Variants in RAD52 observed in about 807,000 individuals in gnomAD.
RAD52 encodes the protein RAD52 DNA repair protein, also known as DNA repair protein RAD52 homolog.
A neutral mutation model predicts 55.5 loss-of-function variants in RAD52; 47 were observed. That is an observed-to-expected ratio of 0.85 (90% CI 0.67 to 1.08). RAD52 has a LOEUF of 1.08. Among genes scored for constraint, RAD52 ranks in the 50% least tolerant of loss-of-function variants. The pLI is 0.00. For synonymous variants in RAD52, 184 were observed against 198.9 expected (o/e 0.92, Z 0.63); for missense variants, 468 against 522.8 (o/e 0.90, Z 1.02).
chr12:962,222 C>T (rs1958695637), intron 1 of RAD52, among the ~76,000 whole-genome samples: 1 of 152,098 alleles, frequency 6.6e-6, no homozygotes, highest in Admixed American at 6.6e-5. Flanking sequence ...GAAGTGACCA[C>T]CAGTAAGGAA....
intron 1 of RAD52, among the ~76,000 whole-genome samples, chr12:934,814 T>C (rs562801495): frequency 3.0e-4 from 45 of 152,154 alleles, no homozygotes; most frequent in Non-Finnish European, 4.3e-4. Flanking sequence ...GAATCTGTTT[T>C]AAAGTTTAAA....
intron 1 of RAD52, among the ~76,000 whole-genome samples, chr12:978,613 C>A (rs1162950853): frequency 1.3e-5 from 2 of 152,058 alleles, no homozygotes; most frequent in Non-Finnish European, 1.5e-5. Context: ...CCAGTCTGGG[C>A]AACACAGTGA....
At position 927,183 on chromosome 12, in the gene RAD52, C is replaced by T; in HGVS notation, c.429G>A (p.Arg143=). ...TCAGCCCGTCTGTCACCGCCTCCTT[C>T]CTTGCCTTCTCCAAAGATAAAGCCT... ...KSKALSLEKA[R]KEAVTDGLKR... The change falls in exon 6 of 12, where the codon AGG becomes AGA. Residue 143 remains arginine, a synonymous_variant. Coordinates refer to ENST00000358495, the MANE Select transcript of RAD52 (RefSeq NM_134424.4). 6.2e-7 allele frequency: 1 copy of T among 1,614,186 alleles called. No homozygotes were observed. Among genetic ancestry groups the T allele is most frequent in the East Asian group, 2.2e-5 (1 of 44,880 alleles).
Position 930,100 on chromosome 12 carries a change from C to G in RAD52, c.231G>C (p.Glu77Asp). 6.2e-7 allele frequency: 1 copy of G among 1,614,130 alleles called. No individual in the cohort carries two copies. Among genetic ancestry groups the G allele is most frequent in the Non-Finnish European group, 8.5e-7 (1 of 1,180,000 alleles). ...GTGCCCAGCCATTGTAACCAAACAT[C>G]TCATTGGCCAGATTAATTACCCGAT... ...EGHRVINLAN[E>D]MFGYNGWAHS... Residue 77 changes from glutamate to aspartate, a missense_variant, in exon 4 of 12, where the codon GAG (glutamate) becomes GAC (aspartate). Transcript: ENST00000358495.
At position 945,044 on chromosome 12, in the gene RAD52, A is replaced by T. The variant is rs1006924143; in HGVS notation, c.-19+4558T>A. Among the ~76,000 whole-genome samples the T allele has an allele frequency of 2.6e-5, 4 of 152,252 alleles. No homozygotes were observed. In the East Asian group the frequency reaches 7.7e-4, roughly 29 times the overall value. Reference sequence around the variant, plus strand: ...CTATAATGTTCATGAAACTTTAAAAAAATTAGCAAAAGTAGAAAAAAAGTG... The same window carrying T: ...CTATAATGTTCATGAAACTTTAAAATAATTAGCAAAAGTAGAAAAAAAGTG... On this transcript the variant is annotated intron_variant, in intron 1 of 11. Coordinates refer to ENST00000358495, the MANE Select transcript of RAD52 (RefSeq NM_134424.4).
intron 7 of RAD52, among the ~76,000 whole-genome samples, chr12:921,799 C>T (rs1956740220): frequency 6.6e-6 from 1 of 151,854 alleles, no homozygotes; most frequent in South Asian, 2.1e-4. Context: ...AAACAGATGG[C>T]CAACAAGCAT....
intron 8 of RAD52, 76 bp downstream of exon 8, chr12:916,563 T>G (rs1350055997): frequency 6.3e-7 from 1 of 1,599,462 alleles, no homozygotes; most frequent in Admixed American, 1.7e-5. Flanking sequence ...GCTGGCTGGC[T>G]CTGGAGGCCT....
chr12:988,411 A>G (rs1455464638), intron 1 of RAD52, among the ~76,000 whole-genome samples: 1 of 152,154 alleles, frequency 6.6e-6, no homozygotes, highest in Non-Finnish European at 1.5e-5. Context: ...TAAATACCTA[A>G]TAACACTTAG....
At chr12:916,599 G>C (rs775728566) in intron 8 of RAD52, 40 bp downstream of exon 8, 1 of 1,599,996 alleles carries the variant, frequency 6.3e-7, no homozygotes, top group South Asian at 1.1e-5. Context: ...CGTGACACAG[G>C]AGGGGCCGCA....
intron 1 of RAD52, among the ~76,000 whole-genome samples, chr12:933,940 AACCCCATC>A (rs990557664): frequency 4.6e-5 from 7 of 151,704 alleles, no homozygotes; most frequent in Non-Finnish European, 1.0e-4. Flanking sequence ...TAGACAACAA[AACCCCATC>A]ACTACAAAAA....
At position 914,504 on chromosome 12, in the gene RAD52, G is replaced by A. The variant is rs28910277; in HGVS notation, c.894C>T (p.His298=). ...EAAPPAPPVT[H]STPVTVSEPL... ...GTTCTGAGACAGTTACAGGAGTGCTGTGCGTCACAGGAGGGGCCGGAGGCG... is the reference window on the plus strand; with the variant it reads ...GTTCTGAGACAGTTACAGGAGTGCTATGCGTCACAGGAGGGGCCGGAGGCG... Residue 298 remains histidine, a synonymous_variant, in exon 10 of 12, where the codon CAC becomes CAT. Transcript: ENST00000358495. 2,644 of 1,613,722 alleles carry A rather than the reference G, an allele frequency of 1.6e-3. 6 individuals are homozygous for A. Among genetic ancestry groups the A allele is most frequent in the Non-Finnish European group, 2.2e-3 (2,555 of 1,179,854 alleles).
chr12:949,719 G>T (rs1475039843), upstream of RAD52: 1 of 149,622 alleles, frequency 6.7e-6, no homozygotes, highest in African/African-American at 2.5e-5. Flanking sequence ...AGCGTCTCTG[G>T]GAAGAAGGTC....
At chr12:972,994 A>AC (rs1958884738) in intron 1 of RAD52, among the ~76,000 whole-genome samples, 1 of 147,686 alleles carries the variant, frequency 6.8e-6, no homozygotes, top group African/African-American at 2.7e-5. Flanking sequence ...ATTTTGTGCA[A>AC]GAAAGTGACA....
chr12:947,313 C>T (rs577005038), intron 1 of RAD52, among the ~76,000 whole-genome samples: 35 of 116,550 alleles, frequency 3.0e-4, no homozygotes, highest in Admixed American at 2.2e-3. Context: ...GCAACAAGAG[C>T]GAAACTCTGT....
chr12:990,467 CTAAA>C (rs549994802), upstream of RAD52: 242 of 152,284 alleles, frequency 1.6e-3, no homozygotes, highest in African/African-American at 5.5e-3. Context: ...CTGTCGGAGG[CTAAA>C]TAAACAGCTC....
rs763033313 is a variant in RAD52 at position 914,074 on chromosome 12, C to T, written c.1015G>A (p.Gly339Arg). 1 of 1,614,070 alleles carries T rather than the reference C, an allele frequency of 6.2e-7. No homozygotes were observed. The highest frequency in any genetic ancestry group is 1.3e-5 in the African/African-American group (1 of 74,932). ...GACGAGGGCTTGACCACACCATCCC[C>T]TGCATCGGGAGTCACAGCCCACTTT... is the stretch of plus-strand genomic sequence containing the variant. ...SEKWAVTPDA[G>R]DGVVKPSSRA... The change falls in exon 11 of 12, where the codon GGG (glycine) becomes AGG (arginine). Residue 339 changes from glycine (G) to arginine (R), a missense_variant. Coordinates refer to ENST00000358495, the MANE Select transcript of RAD52 (RefSeq NM_134424.4).
At chr12:929,554 T>C in intron 5 of RAD52, 2 of 675,310 alleles carry the variant, frequency 3.0e-6, no homozygotes, top group Admixed American at 2.1e-5. Context: ...TTTTACCATA[T>C]GCCAAAAAAT....
intron 1 of RAD52, among the ~76,000 whole-genome samples, chr12:969,983 A>C (rs80046051): frequency 6.6e-6 from 1 of 151,878 alleles, no homozygotes; most frequent in African/African-American, 2.4e-5. Flanking sequence ...AGTGAGACAC[A>C]TTGTCTTCAT....
At chr12:980,148 C>G (rs186077286) in intron 1 of RAD52, among the ~76,000 whole-genome samples, 13 of 151,810 alleles carry the variant, frequency 8.6e-5, no homozygotes, top group Non-Finnish European at 1.8e-4. Flanking sequence ...TGAGATTGTG[C>G]CACTGCACTC....
Sources: gnomAD v4.1 joint callset for allele counts (sites outside exome capture counted in the v4.1 genomes callset) on GRCh38, gnomAD v4.1.1 for gene constraint, MANE v1.5 for transcripts, NCBI Gene and HGNC (gene_info 2026-07-23, HGNC 2026-07-21) for gene names.